The following AKAP6 variants were observed in gnomAD, a reference collection of about 807,000 sequenced individuals.
AKAP6 encodes A-kinase anchoring protein 6, also known as A-kinase anchor protein 6.
Under a neutral mutation model 188.5 loss-of-function variants are expected in AKAP6, and 58 were observed. The observed-to-expected ratio is 0.31, with a 90% CI of 0.25 to 0.38. AKAP6 has a LOEUF of 0.38. Among genes scored for constraint, AKAP6 ranks in the 10% least tolerant of loss-of-function variants. AKAP6 has a pLI of 1.00. For synonymous variants in AKAP6, 989 were observed against 998.6 expected (o/e 0.99, Z 0.18); for missense variants, 2,710 against 2,740.0 (o/e 0.99, Z 0.24).
chr14:32,355,849 AC>A (rs1399599169), intron 1 of AKAP6, among the ~76,000 whole-genome samples: 1 of 151,886 alleles, frequency 6.6e-6, no homozygotes, highest in Non-Finnish European at 1.5e-5. Flanking sequence ...ATCACAGCTC[AC>A]TGCAGCCTCG....
chr14:32,430,449 T>C (rs1890180479), intron 1 of AKAP6, among the ~76,000 whole-genome samples: 2 of 152,166 alleles, frequency 1.3e-5, no homozygotes, highest in South Asian at 4.1e-4. Context: ...TACGGTAGGA[T>C]GTGTATTCCC....
At chr14:32,507,866 G>C (rs140804908) in intron 2 of AKAP6, among the ~76,000 whole-genome samples, 2 of 152,326 alleles carry the variant, frequency 1.3e-5, no homozygotes, top group African/African-American at 4.8e-5. Flanking sequence ...TTCAAGGATA[G>C]TATGAAACCC....
intron 9 of AKAP6, among the ~76,000 whole-genome samples, chr14:32,700,943 T>A (rs1890596254): frequency 6.6e-6 from 1 of 152,204 alleles, no homozygotes; most frequent in Non-Finnish European, 1.5e-5. Flanking sequence ...TCTTCCAGCT[T>A]AAAAATACTA....
intron 2 of AKAP6, among the ~76,000 whole-genome samples, chr14:32,454,635 C>CCTTT (rs1656977059): frequency 7.1e-6 from 1 of 141,142 alleles, no homozygotes; most frequent in Non-Finnish European, 1.5e-5. Flanking sequence ...TTCCTTCCTT[C>CCTTT]CCTCCCTCCC....
intron 2 of AKAP6, among the ~76,000 whole-genome samples, chr14:32,446,151 A>G (rs1229424403): frequency 6.6e-6 from 1 of 152,174 alleles, no homozygotes; most frequent in Non-Finnish European, 1.5e-5. Context: ...GCTTATTTGA[A>G]TTTTCTGTGC....
intron 2 of AKAP6, among the ~76,000 whole-genome samples, chr14:32,453,322 AC>A (rs1890998497): frequency 6.6e-6 from 1 of 152,072 alleles, no homozygotes; most frequent in African/African-American, 2.4e-5. Flanking sequence ...CAGCCCTCTG[AC>A]CCTCTATCCA....
At chr14:32,435,219 A>G (rs1182068416) in intron 2 of AKAP6, among the ~76,000 whole-genome samples, 2 of 152,120 alleles carry the variant, frequency 1.3e-5, no homozygotes, top group East Asian at 3.9e-4. Context: ...TCCCATAAGT[A>G]GATAGGGGGT....
chr14:32,451,139 G>C (rs1487120562), intron 2 of AKAP6, among the ~76,000 whole-genome samples: 1 of 152,174 alleles, frequency 6.6e-6, no homozygotes, highest in East Asian at 1.9e-4. Context: ...TTAGCCTTTA[G>C]CTAGTTTGCA....
intron 12 of AKAP6, among the ~76,000 whole-genome samples, chr14:32,787,224 G>C (rs767277434): frequency 3.9e-5 from 6 of 151,986 alleles, no homozygotes; most frequent in Admixed American, 6.6e-5. Flanking sequence ...TGAAAGAAAG[G>C]GGGGGAACCC....
chr14:32,359,643 G>A lies in AKAP6; in HGVS notation c.-35+30235G>A, dbSNP rs140889343. 4.0e-5 allele frequency among the ~76,000 whole-genome samples: 6 copies of A among 148,424 alleles called. No individual in the cohort carries two copies. In the East Asian group the frequency reaches 1.0e-3, roughly 25 times the overall value. On this transcript the variant is annotated intron_variant, in intron 1 of 13. Transcript: ENST00000280979. ...CCTACATTGCATTTAGTTACCCTAT[G>A]TCCTTAGTTTCTTCAAGTTTATGGT...
At chr14:32,397,923 C>T (rs1888933740) in intron 1 of AKAP6, among the ~76,000 whole-genome samples, 1 of 152,190 alleles carries the variant, frequency 6.6e-6, no homozygotes, top group Non-Finnish European at 1.5e-5. Flanking sequence ...CTGTCATCAC[C>T]TGTCTCTTTT....
chr14:32,658,586 C>T (rs1888549151), intron 7 of AKAP6, among the ~76,000 whole-genome samples: 1 of 151,784 alleles, frequency 6.6e-6, no homozygotes, highest in East Asian at 1.9e-4. Flanking sequence ...TTAATGGAAT[C>T]TCATGTAGCA....
chr14:32,634,954 G>T (rs898308493), intron 7 of AKAP6, among the ~76,000 whole-genome samples: 4 of 151,790 alleles, frequency 2.6e-5, no homozygotes, highest in Non-Finnish European at 4.4e-5. Context: ...ACATGAGTAA[G>T]TTCTTTAGCG....
chr14:32,792,739 G>T (rs915242943), intron 12 of AKAP6, among the ~76,000 whole-genome samples: 3 of 152,152 alleles, frequency 2.0e-5, no homozygotes, highest in African/African-American at 7.2e-5. Context: ...CATTCAATAT[G>T]ATATTGGCTA....
At chr14:32,599,312 G>A in intron 5 of AKAP6, 98 bp from the exon 6 acceptor site, 2 of 926,768 alleles carry the variant, frequency 2.2e-6, no homozygotes, top group Non-Finnish European at 1.7e-6. Context: ...GGTAAATTGG[G>A]CTGTGTGGTT....
chr14:32,400,423 T>C (rs778652172), intron 1 of AKAP6, among the ~76,000 whole-genome samples: 1 of 151,742 alleles, frequency 6.6e-6, no homozygotes, highest in Non-Finnish European at 1.5e-5. Flanking sequence ...TTTCCAGATT[T>C]CTCTTTTTGT....
chr14:32,465,765 A>C (rs1410591270), intron 2 of AKAP6, among the ~76,000 whole-genome samples: 1 of 152,234 alleles, frequency 6.6e-6, no homozygotes, highest in Non-Finnish European at 1.5e-5. Flanking sequence ...TTCTGCACGC[A>C]AAAGAAATTA....
intron 2 of AKAP6, among the ~76,000 whole-genome samples, chr14:32,453,336 G>A (rs1033573985): frequency 6.6e-6 from 1 of 152,104 alleles, no homozygotes; most frequent in Non-Finnish European, 1.5e-5. Flanking sequence ...TCTATCCAGC[G>A]TCCTTTCCTC....
At chr14:32,551,431 G>C (rs550721498) in intron 4 of AKAP6, among the ~76,000 whole-genome samples, 38 of 151,720 alleles carry the variant, frequency 2.5e-4, no homozygotes, top group Non-Finnish European at 5.3e-4. Context: ...AATTAGCCAG[G>C]TGTGATGGTG....
Sources: gnomAD v4.1 joint callset for allele counts (sites outside exome capture counted in the v4.1 genomes callset) on GRCh38, gnomAD v4.1.1 for gene constraint, MANE v1.5 for transcripts, NCBI Gene and HGNC (gene_info 2026-07-23, HGNC 2026-07-21) for gene names.